FOXN3: variants seen among roughly 807,000 people sequenced by gnomAD.
The protein encoded by FOXN3 is forkhead box protein N3.
A neutral mutation model predicts 38.4 loss-of-function variants in FOXN3; 7 were observed. The observed-to-expected ratio is 0.18, with a 90% CI of 0.10 to 0.34. The LOEUF is 0.34. FOXN3 is among the 10% of genes least tolerant of loss of function. FOXN3 has a pLI of 1.00. For missense variants in FOXN3, 456 were observed against 613.4 expected, an observed-to-expected ratio of 0.74 and a Z score of 2.71; for synonymous variants, 230 against 242.2, an observed-to-expected ratio of 0.95 and a Z score of 0.47.
At chr14:89,227,938 GGGGTCTCCCCA>G (rs1279079330) in intron 4 of FOXN3, among the ~76,000 whole-genome samples, 2 of 152,122 alleles carry the variant, frequency 1.3e-5, no homozygotes, top group Admixed American at 1.3e-4. Flanking sequence ...TTGTAGAGAT[GGGGTCTCCCCA>G]GGCTGGTCTT....
In FOXN3 at chr14:89,468,774, G is replaced by T. The variant is rs555457504; in HGVS notation, c.-14-56284C>A. Among the ~76,000 whole-genome samples, 172 of 152,248 alleles carry T rather than the reference G, an allele frequency of 1.1e-3. 2 individuals carry two copies. The highest frequency in any genetic ancestry group is 2.1e-3 in the Non-Finnish European group (143 of 68,014). On this transcript the variant is annotated intron_variant, in intron 1 of 6. Coordinates refer to the FOXN3 transcript ENST00000345097. ...CAGTCCCCTGGTGGTGAATATCGAG[G>T]TTGTATCCAGTTTGGCTGTTGCTGT...
intron 3 of FOXN3, among the ~76,000 whole-genome samples, chr14:89,334,859 G>A (rs1405656371): frequency 1.3e-5 from 2 of 151,858 alleles, no homozygotes; most frequent in Non-Finnish European, 2.9e-5. Context: ...CCTCCGCCTC[G>A]CAGGTTCAAG....
At chr14:89,276,294 A>G (rs1332725511) in intron 4 of FOXN3, among the ~76,000 whole-genome samples, 1 of 152,232 alleles carries the variant, frequency 6.6e-6, no homozygotes, top group Non-Finnish European at 1.5e-5. Flanking sequence ...AACAGCAACA[A>G]TAACAACAAC....
chr14:89,425,695 G>A (rs1442901902), intron 1 of FOXN3, among the ~76,000 whole-genome samples: 1 of 152,156 alleles, frequency 6.6e-6, no homozygotes, highest in Non-Finnish European at 1.5e-5. Context: ...CATAGTAGTT[G>A]TGTTCTATAA....
intron 1 of FOXN3, among the ~76,000 whole-genome samples, chr14:89,488,033 T>C (rs1450090629): frequency 6.6e-6 from 1 of 151,280 alleles, no homozygotes; most frequent in Non-Finnish European, 1.5e-5. Flanking sequence ...TTGAAGGTGA[T>C]CTGAGTGAGA....
intron 4 of FOXN3, among the ~76,000 whole-genome samples, chr14:89,240,318 C>T (rs1208458534): frequency 6.6e-6 from 1 of 151,012 alleles, no homozygotes; most frequent in Non-Finnish European, 1.5e-5. Flanking sequence ...ACAGAAACTA[C>T]ACAGAAAAAG....
chr14:89,235,755 T>C (rs1884960204), intron 4 of FOXN3, among the ~76,000 whole-genome samples: 1 of 149,910 alleles, frequency 6.7e-6, no homozygotes, highest in South Asian at 2.1e-4. Context: ...CCTGACCCGC[T>C]GTGGTTGTCT....
rs1173765322 is a variant in FOXN3 at position 89,404,306 on chromosome 14, G to A, written c.543+7628C>T. 1.3e-5 allele frequency among the ~76,000 whole-genome samples: 2 copies of A among 151,604 alleles called. 1 individual carries two copies. Among genetic ancestry groups the A allele is most frequent in the South Asian group, 4.2e-4 (2 of 4,788 alleles). ...GGGCAGATCACAAGGTCAGGAGTTCGAGACCAGCCTGACCAACAAACACCC... is the reference window on the plus strand; with the variant it reads ...GGGCAGATCACAAGGTCAGGAGTTCAAGACCAGCCTGACCAACAAACACCC... On this transcript the variant is annotated intron_variant, in intron 2 of 5. Coordinates refer to ENST00000557258, the MANE Select transcript of FOXN3 (RefSeq NM_005197.4).
chr14:89,299,166 C>T (rs1887142297), intron 3 of FOXN3, among the ~76,000 whole-genome samples: 1 of 152,180 alleles, frequency 6.6e-6, no homozygotes, highest in Non-Finnish European at 1.5e-5. Context: ...GTGTCCCTAC[C>T]CAAATCTCAC....
chr14:89,603,279 G>A (rs528945448), intron 1 of FOXN3, among the ~76,000 whole-genome samples: 1 of 152,190 alleles, frequency 6.6e-6, no homozygotes, highest in African/African-American at 2.4e-5. Flanking sequence ...ATGCCAAGTA[G>A]TTGGCTTGCT....
At chr14:89,174,497 T>C (rs1887469227) in intron 5 of FOXN3, among the ~76,000 whole-genome samples, 1 of 152,176 alleles carries the variant, frequency 6.6e-6, no homozygotes, top group African/African-American at 2.4e-5. Flanking sequence ...ATAGGAGTGA[T>C]CCTACAACTC....
chr14:89,321,524 C>G (rs1426998370), intron 3 of FOXN3, among the ~76,000 whole-genome samples: 3 of 152,086 alleles, frequency 2.0e-5, no homozygotes, highest in Non-Finnish European at 4.4e-5. Context: ...TTGCAGTGAG[C>G]CGAGATTGAG....
intron 1 of FOXN3, among the ~76,000 whole-genome samples, chr14:89,556,497 A>C (rs1596316666): frequency 1.3e-5 from 2 of 151,850 alleles, no homozygotes; most frequent in East Asian, 3.9e-4. Context: ...TTGAGGGTGG[A>C]GGGGAATTAG....
Position 89,171,970 on chromosome 14 carries a change from T to A in FOXN3, c.851+8731A>T, listed in dbSNP as rs541888109. Reference sequence around the variant, plus strand: ...TATGATTTGTGCACAGAAGAATCTATAAACTGTTAGAGTTACTAATGCAGT... The same window carrying A: ...TATGATTTGTGCACAGAAGAATCTAAAAACTGTTAGAGTTACTAATGCAGT... On this transcript the variant is annotated intron_variant, in intron 5 of 5. Transcript: ENST00000557258. Among the ~76,000 whole-genome samples the A allele has an allele frequency of 1.1e-3, 163 of 152,336 alleles. No homozygotes were observed. In the Middle Eastern group the frequency reaches 0.017, roughly 16 times the overall value.
chr14:89,456,802 G>C (rs1470142881), intron 1 of FOXN3, among the ~76,000 whole-genome samples: 3 of 152,150 alleles, frequency 2.0e-5, no homozygotes. Context: ...GCAGTGGGAA[G>C]AGACTGAGCT....
At chr14:89,383,855 T>G (rs926133018) in intron 2 of FOXN3, among the ~76,000 whole-genome samples, 1 of 151,750 alleles carries the variant, frequency 6.6e-6, no homozygotes, top group Non-Finnish European at 1.5e-5. Context: ...AATGGTGCGA[T>G]CTCAGCTGAC....
At chr14:89,187,051 T>C (rs1395198322) in intron 4 of FOXN3, among the ~76,000 whole-genome samples, 1 of 151,804 alleles carries the variant, frequency 6.6e-6, no homozygotes, top group African/African-American at 2.4e-5. Flanking sequence ...TGAGCAAGGG[T>C]AGGAGGAAGA....
intron 4 of FOXN3, among the ~76,000 whole-genome samples, chr14:89,191,810 G>A (rs1596091272): frequency 6.6e-6 from 1 of 150,406 alleles, no homozygotes; most frequent in South Asian, 2.1e-4. Context: ...TTGCCTGCAG[G>A]AGGCCTGTTA....
chr14:89,190,537 T>C (rs1887915453), intron 4 of FOXN3: 1 of 1,084,136 alleles, frequency 9.2e-7, no homozygotes, highest in African/African-American at 1.6e-5. Context: ...AGTTTATGAA[T>C]GCAACAGAGA....
Sources: gnomAD v4.1 joint callset for allele counts (sites outside exome capture counted in the v4.1 genomes callset) on GRCh38, gnomAD v4.1.1 for gene constraint, MANE v1.5 for transcripts, NCBI Gene and HGNC (gene_info 2026-07-23, HGNC 2026-07-21) for gene names.